EEPD1: variants seen among roughly 807,000 people sequenced by gnomAD.
The protein encoded by EEPD1 is endonuclease/exonuclease/phosphatase family domain containing 1, also known as endonuclease/exonuclease/phosphatase family domain-containing protein 1.
In EEPD1, 17 loss-of-function variants were observed where a neutral mutation model predicts 46.3. The observed-to-expected ratio is 0.37, with a 90% CI of 0.25 to 0.55. EEPD1 has a LOEUF of 0.55. Ranked by LOEUF, EEPD1 falls within the 20% of genes least tolerant of loss-of-function variation. The pLI, the probability that EEPD1 is intolerant of heterozygous loss-of-function variation, is 0.83. For synonymous variants in EEPD1, 313 were observed against 315.6 expected (o/e 0.99, Z 0.09); for missense variants, 673 against 745.6 (o/e 0.90, Z 1.13).
intron 3 of EEPD1, among the ~76,000 whole-genome samples, chr7:36,254,948 T>G (rs1786805576): frequency 1.3e-5 from 2 of 152,238 alleles, no homozygotes. Context: ...TTGAGAAGTG[T>G]CTTTTCATAT....
chr7:36,243,430 T>C (rs568003334), intron 3 of EEPD1, among the ~76,000 whole-genome samples: 4 of 152,238 alleles, frequency 2.6e-5, no homozygotes, highest in Admixed American at 1.3e-4. Context: ...CTTAATTCAA[T>C]AGGTAGAGCC....
At chr7:36,287,372 A>G (rs776960185) in intron 5 of EEPD1, among the ~76,000 whole-genome samples, 2 of 152,054 alleles carry the variant, frequency 1.3e-5, no homozygotes, top group Non-Finnish European at 2.9e-5. Context: ...ATATGCAGAT[A>G]TGCCCAATCT....
chr7:36,174,954 C>T (rs1371029496), intron 2 of EEPD1, among the ~76,000 whole-genome samples: 2 of 152,182 alleles, frequency 1.3e-5, no homozygotes, highest in Admixed American at 6.5e-5. Flanking sequence ...AGAGAGACTC[C>T]AGCACAGTCA....
chr7:36,247,754 A>G (rs183615509), intron 3 of EEPD1, among the ~76,000 whole-genome samples: 14 of 152,288 alleles, frequency 9.2e-5, no homozygotes, highest in Non-Finnish European at 4.4e-5. Flanking sequence ...CTGTGATCTC[A>G]TTTAATCTGA....
intron 6 of EEPD1, among the ~76,000 whole-genome samples, chr7:36,292,411 C>A (rs1787460007): frequency 6.7e-6 from 1 of 148,760 alleles, no homozygotes; most frequent in Admixed American, 6.7e-5. Flanking sequence ...TCTTTTCTTT[C>A]TTTTTCTCTC....
At chr7:36,259,886 G>C (rs1034885738) in intron 3 of EEPD1, among the ~76,000 whole-genome samples, 2 of 152,138 alleles carry the variant, frequency 1.3e-5, no homozygotes, top group Admixed American at 1.3e-4. Context: ...TACAGAGTTA[G>C]CTATATTAAC....
chr7:36,297,004 G>GTCA lies in EEPD1; in HGVS notation c.1329_1331dup (p.Ile445dup). On this transcript the variant is annotated inframe_insertion, in exon 7 of 8. Coordinates refer to ENST00000242108, the MANE Select transcript of EEPD1 (RefSeq NM_030636.3). Reference sequence around the variant, plus strand: ...CCTTCCACTTCCAGGAGAAAAGGATGTCATTATCTTAGGGGATTTTGGCCA... The same window carrying GTCA: ...CCTTCCACTTCCAGGAGAAAAGGATGTCATCATTATCTTAGGGGATTTTGGCCA... The GTCA allele has an allele frequency of 6.2e-7, 1 of 1,614,072 alleles. No homozygotes were observed. Among genetic ancestry groups the GTCA allele is most frequent in the Non-Finnish European group, 8.5e-7 (1 of 1,179,960 alleles).
At chr7:36,186,775 A>G (rs1163461437) in intron 2 of EEPD1, among the ~76,000 whole-genome samples, 1 of 152,240 alleles carries the variant, frequency 6.6e-6, no homozygotes, top group East Asian at 1.9e-4. Context: ...TATATGCAAA[A>G]TTGGGACTGA....
rs187321882 is a variant in EEPD1, at chr7:36,172,747, A to G, written c.878+17545A>G. On this transcript the variant is annotated intron_variant, in intron 2 of 7. Coordinates refer to ENST00000242108, the MANE Select transcript of EEPD1 (RefSeq NM_030636.3). ...AAAAGATTGTACACCTCTGCTTTAT[A>G]ATAAGCCAATAAACCTTAAGTCAGT... Among the ~76,000 whole-genome samples, 312 of 151,852 alleles carry G rather than the reference A, an allele frequency of 2.1e-3. 2 individuals are homozygous for G. Among genetic ancestry groups the G allele is most frequent in the African/African-American group, 7.1e-3 (292 of 41,336 alleles).
At chr7:36,245,901 T>C (rs1211791793) in intron 3 of EEPD1, among the ~76,000 whole-genome samples, 1 of 152,222 alleles carries the variant, frequency 6.6e-6, no homozygotes, top group Admixed American at 6.5e-5. Flanking sequence ...CACTTCTGTT[T>C]TTCTGAACTT....
At chr7:36,285,239 T>C (rs1787325678) in intron 5 of EEPD1, among the ~76,000 whole-genome samples, 1 of 152,192 alleles carries the variant, frequency 6.6e-6, no homozygotes, top group Non-Finnish European at 1.5e-5. Flanking sequence ...CTGGCACTGG[T>C]TCACAAGGCC....
chr7:36,177,760 C>A (rs1348497716), intron 2 of EEPD1, among the ~76,000 whole-genome samples: 2 of 152,168 alleles, frequency 1.3e-5, no homozygotes, highest in African/African-American at 4.8e-5. Context: ...GTCACCCAGG[C>A]TGGAGTGCAG....
chr7:36,246,059 A>G (rs1442664563), intron 3 of EEPD1, among the ~76,000 whole-genome samples: 1 of 152,238 alleles, frequency 6.6e-6, no homozygotes, highest in Admixed American at 6.5e-5. Context: ...GCTTCCTGCA[A>G]AGCCACAAAC....
chr7:36,296,897 G>A, intron 6 of EEPD1, 96 bp from the exon 7 acceptor site: 2 of 1,295,898 alleles, frequency 1.5e-6, no homozygotes, highest in Non-Finnish European at 2.2e-6. Flanking sequence ...TGGGAGTCAA[G>A]TCAGAGAATC....
chr7:36,160,676 T>TGGGGGGG (rs150571892), intron 2 of EEPD1, among the ~76,000 whole-genome samples: 9 of 36,500 alleles, frequency 2.5e-4, no homozygotes, highest in Admixed American at 6.5e-4. Context: ...TGGGAGGTGG[T>TGGGGGGG]GGGGGGCGGG....
intron 2 of EEPD1, among the ~76,000 whole-genome samples, chr7:36,187,357 C>T (rs1232125891): frequency 6.6e-6 from 1 of 152,150 alleles, no homozygotes; most frequent in East Asian, 1.9e-4. Flanking sequence ...GAACTCTTTT[C>T]ATCTTTTCAA....
chr7:36,164,291 T>G (rs1192219297), intron 2 of EEPD1, among the ~76,000 whole-genome samples: 1 of 152,234 alleles, frequency 6.6e-6, no homozygotes, highest in Non-Finnish European at 1.5e-5. Flanking sequence ...ATGCTTCTAT[T>G]TCACCAGTTG....
chr7:36,154,951 G>A lies in EEPD1; in HGVS notation c.627G>A (p.Gly209=). The A allele has an allele frequency of 1.2e-6, 2 of 1,614,034 alleles. No homozygotes were observed. The highest frequency in any genetic ancestry group is 1.7e-6 in the Non-Finnish European group (2 of 1,180,010). The part of the protein sequence containing the change: ...RSRPPSTHTN[G]GLTFTAKPHP... ...GGCCCCCATCCACCCACACGAACGGGGGACTGACCTTCACCGCCAAGCCTC... is the reference window on the plus strand; with the variant it reads ...GGCCCCCATCCACCCACACGAACGGAGGACTGACCTTCACCGCCAAGCCTC... The change falls in exon 2 of 8, where the codon GGG becomes GGA. Residue 209 remains glycine, a synonymous_variant. Transcript: ENST00000242108. This position sits in a 1 kb window ranked among gnomAD's most constrained non-coding sequence, Gnocchi z 4.2.
chr7:36,234,184 G>T (rs1786387335), intron 2 of EEPD1, among the ~76,000 whole-genome samples: 1 of 152,142 alleles, frequency 6.6e-6, no homozygotes. Context: ...CTCCCAAAGT[G>T]CTGGAATTAC....
Sources: allele counts gnomAD v4.1 joint callset (sites outside exome capture counted in the v4.1 genomes callset), GRCh38; gene constraint gnomAD v4.1.1; non-coding constraint Gnocchi (gnomAD v3.1); transcripts MANE v1.5; gene names NCBI Gene and HGNC (gene_info 2026-07-23, HGNC 2026-07-21).